CCDC69: variants seen among roughly 807,000 people sequenced by gnomAD.
CCDC69 encodes the protein coiled-coil domain containing 69.
A neutral mutation model predicts 40.3 loss-of-function variants in CCDC69; 38 were observed. That is an observed-to-expected ratio of 0.94 (90% CI 0.73 to 1.24). The LOEUF is 1.24. Among genes scored for constraint, CCDC69 ranks in the 50% most tolerant of loss-of-function variants. The pLI is 0.00. For synonymous variants in CCDC69, 141 were observed against 138.9 expected, an observed-to-expected ratio of 1.02 and a Z score of -0.11; for missense variants, 389 against 357.9, an observed-to-expected ratio of 1.09 and a Z score of -0.70.
At chr5:151,219,953 G>C (rs554480906) in intron 1 of CCDC69, among the ~76,000 whole-genome samples, 1 of 151,914 alleles carries the variant, frequency 6.6e-6, no homozygotes, top group African/African-American at 2.4e-5. Context: ...TATTCCTCAT[G>C]AGTAGAAATC....
chr5:151,212,936 C>T (rs769340691), intron 1 of CCDC69: 2 of 455,250 alleles, frequency 4.4e-6, no homozygotes, highest in Non-Finnish European at 4.4e-6. Flanking sequence ...GAAGTGAGCG[C>T]TCCATCATTA....
chr5:151,209,196 T>G (rs1004087153), intron 1 of CCDC69, among the ~76,000 whole-genome samples: 28 of 152,186 alleles, frequency 1.8e-4, no homozygotes. Context: ...TCTTTTAGGA[T>G]GAGATGAAAT....
intron 4 of CCDC69, among the ~76,000 whole-genome samples, chr5:151,189,241 T>C (rs749191044): frequency 1.4e-4 from 22 of 152,158 alleles, no homozygotes; most frequent in Non-Finnish European, 2.1e-4. Context: ...GTGAATATAC[T>C]TTTAGGAATA....
chr5:151,188,420 C>T (rs1752556637), intron 4 of CCDC69, among the ~76,000 whole-genome samples: 1 of 152,126 alleles, frequency 6.6e-6, no homozygotes, highest in African/African-American at 2.4e-5. Context: ...GCCTGGCCGA[C>T]ATGGCAAAAC....
chr5:151,184,469 G>A (rs373472429), intron 7 of CCDC69, 28 bp from the exon 8 acceptor site: 40 of 1,481,722 alleles, frequency 2.7e-5, no homozygotes, highest in Non-Finnish European at 3.4e-5. Flanking sequence ...AGCTCAGAAA[G>A]CTGCCAAACT....
chr5:151,215,384 C>A (rs543255717), intron 1 of CCDC69, among the ~76,000 whole-genome samples: 1 of 152,326 alleles, frequency 6.6e-6, no homozygotes, highest in South Asian at 2.1e-4. Context: ...TGGAATTGTG[C>A]AATGGGATAC....
At chr5:151,198,451 G>A (rs917888790) in intron 4 of CCDC69, among the ~76,000 whole-genome samples, 1 of 152,162 alleles carries the variant, frequency 6.6e-6, no homozygotes, top group African/African-American at 2.4e-5. Context: ...CTGGGCTCAA[G>A]CAATCTATCC....
intron 1 of CCDC69, among the ~76,000 whole-genome samples, chr5:151,213,077 T>A (rs1434538492): frequency 6.6e-6 from 1 of 152,148 alleles, no homozygotes; most frequent in African/African-American, 2.4e-5. Flanking sequence ...TGAAAGCCTC[T>A]GGTAAGCATA....
At chr5:151,192,110 T>TAAAAAAAAAAAAAAAAAAAAAAAA (rs1561599136) in intron 4 of CCDC69, among the ~76,000 whole-genome samples, 1 of 57,732 alleles carries the variant, frequency 1.7e-5, no homozygotes, top group Non-Finnish European at 3.5e-5. Context: ...AAAAAAAGAA[T>TAAAAAAAAAAAAAAAAAAAAAAAA]GAAAAGAAAT....
At chr5:151,189,042 A>G (rs778007181) in intron 4 of CCDC69, among the ~76,000 whole-genome samples, 1 of 152,176 alleles carries the variant, frequency 6.6e-6, no homozygotes, top group Non-Finnish European at 1.5e-5. Flanking sequence ...ATACAAAATC[A>G]CTCAGCCTAA....
intron 5 of CCDC69, 41 bp downstream of exon 5, chr5:151,187,345 C>T (rs752844296): frequency 1.3e-6 from 2 of 1,583,170 alleles, no homozygotes; most frequent in South Asian, 2.2e-5. Context: ...TTGGTCCTCA[C>T]TTACCCTTAT....
At chr5:151,191,612 A>C (rs530962129) in intron 4 of CCDC69, among the ~76,000 whole-genome samples, 1 of 152,362 alleles carries the variant, frequency 6.6e-6, no homozygotes, top group East Asian at 1.9e-4. Context: ...CACATATTCA[A>C]TGCCAGAGAG....
At chr5:151,191,156 T>C (rs763479434) in intron 4 of CCDC69, among the ~76,000 whole-genome samples, 1 of 149,358 alleles carries the variant, frequency 6.7e-6, no homozygotes, top group East Asian at 1.9e-4. Flanking sequence ...CCACTGTAAA[T>C]AGATGTTATA....
chr5:151,188,395 A>G (rs1561598261), intron 4 of CCDC69, among the ~76,000 whole-genome samples: 1 of 152,222 alleles, frequency 6.6e-6, no homozygotes, highest in Non-Finnish European at 1.5e-5. Flanking sequence ...ACTTGAGGCC[A>G]GGAGTTTGAG....
At chr5:151,209,862 G>T (rs1198178356) in intron 1 of CCDC69, among the ~76,000 whole-genome samples, 2 of 152,308 alleles carry the variant, frequency 1.3e-5, no homozygotes, top group Middle Eastern at 3.4e-3. Context: ...TTACAGGCAT[G>T]AGCCAAGGTA....
At chr5:151,210,747 C>T (rs1014799410) in intron 1 of CCDC69, 3 of 152,030 alleles carry the variant, frequency 2.0e-5, no homozygotes, top group Admixed American at 1.3e-4. Flanking sequence ...GCGGGAGGAT[C>T]ACTTGAAGCC....
At chr5:151,201,796 T>C in intron 2 of CCDC69, 108 bp from the exon 3 acceptor site, 2 of 600,754 alleles carry the variant, frequency 3.3e-6, no homozygotes, top group Non-Finnish European at 2.8e-6. Context: ...ATGAGAACCC[T>C]GGTCTCTGCC....
chr5:151,214,226 G>A (rs1360796311), intron 1 of CCDC69, among the ~76,000 whole-genome samples: 2 of 152,158 alleles, frequency 1.3e-5, no homozygotes, highest in Non-Finnish European at 2.9e-5. Context: ...CTCAATATCA[G>A]AGCTGCCTTT....
At position 151,182,854 on chromosome 5, in the gene CCDC69, C is replaced by G. The variant is rs559174748; in HGVS notation, c.*583G>C. On this transcript the variant is annotated 3_prime_UTR_variant, in exon 9 of 9. Transcript: ENST00000355417. ...CTTCAGAGACCCCCTCTCTACCACT[C>G]ACCTTCCCCACTCTGATTTGCGGGG... 2.8e-6 allele frequency: 1 copy of G among 355,644 alleles called. No individual in the cohort carries two copies. The highest frequency in any genetic ancestry group is 2.1e-5 in the African/African-American group (1 of 46,744). 22.0% of individuals were successfully genotyped at this position (355,644 alleles called of 1,614,324 possible). A position where few individuals can be genotyped will look rare whatever the true frequency, so the allele number is the denominator to read the frequency against.
Sources: gnomAD v4.1 joint callset for allele counts (sites outside exome capture counted in the v4.1 genomes callset) on GRCh38, gnomAD v4.1.1 for gene constraint, MANE v1.5 for transcripts, NCBI Gene and HGNC (gene_info 2026-07-23, HGNC 2026-07-21) for gene names.